Variants in PRKD1 observed in about 807,000 individuals in gnomAD.
The protein encoded by PRKD1 is protein kinase D1.
PRKD1 carries 63 observed loss-of-function variants against 95.9 expected under a neutral mutation model. That is an observed-to-expected ratio of 0.66 (90% CI 0.54 to 0.81). The LOEUF is 0.81. Ranked by LOEUF, PRKD1 falls within the 30% of genes least tolerant of loss-of-function variation. The pLI, the probability that PRKD1 is intolerant of heterozygous loss-of-function variation, is 0.00. For missense variants in PRKD1, 1,048 were observed against 1,165.3 expected (o/e 0.90, Z 1.47); for synonymous variants, 425 against 423.1 (o/e 1.00, Z -0.05).
intron 1 of PRKD1, among the ~76,000 whole-genome samples, chr14:29,771,000 A>T (rs1466991305): frequency 6.6e-6 from 1 of 151,994 alleles, no homozygotes; most frequent in African/African-American, 2.4e-5. Flanking sequence ...AAAAAGAATA[A>T]ACAAAGTGTT....
At chr14:29,608,050 T>G (rs2333606) in intron 13 of PRKD1, among the ~76,000 whole-genome samples, 146,750 of 152,266 alleles carry the variant, frequency 0.96, 70,770 homozygotes, top group Non-Finnish European at 0.98. Context: ...ATTTATAAAT[T>G]AACATATTCA....
chr14:29,849,554 T>A (rs1892217760), intron 1 of PRKD1, among the ~76,000 whole-genome samples: 2 of 142,794 alleles, frequency 1.4e-5, no homozygotes, highest in African/African-American at 2.8e-5. Flanking sequence ...ATCAGTGAAG[T>A]AAAACAACAA....
At chr14:29,802,884 C>T (rs564716003) in intron 1 of PRKD1, among the ~76,000 whole-genome samples, 4 of 152,316 alleles carry the variant, frequency 2.6e-5, no homozygotes, top group African/African-American at 4.8e-5. Flanking sequence ...AGTTAGTATA[C>T]AGGCACTCCA....
intron 1 of PRKD1, among the ~76,000 whole-genome samples, chr14:29,759,036 C>G (rs74374018): frequency 1.3e-5 from 2 of 152,176 alleles, no homozygotes; most frequent in Admixed American, 6.5e-5. Flanking sequence ...ATTTTAGAAA[C>G]AGTGTCCGTT....
At chr14:29,797,989 T>C (rs987787003) in intron 1 of PRKD1, among the ~76,000 whole-genome samples, 1 of 152,150 alleles carries the variant, frequency 6.6e-6, no homozygotes, top group Non-Finnish European at 1.5e-5. Flanking sequence ...CAGAACTCAA[T>C]GCCATATAAA....
In PRKD1 at chr14:29,894,229, C is replaced by T. The variant is rs543714706; in HGVS notation, c.264+33020G>A. ...TATACACCAAGGAGGTGGGAGGAGGCGGGGGAGTATAAGGAACTGAAAGGC... is the reference window on the plus strand; with the variant it reads ...TATACACCAAGGAGGTGGGAGGAGGTGGGGGAGTATAAGGAACTGAAAGGC... On this transcript the variant is annotated intron_variant, in intron 1 of 17. Coordinates refer to ENST00000331968, the MANE Select transcript of PRKD1 (RefSeq NM_002742.3). Among the ~76,000 whole-genome samples the T allele has an allele frequency of 4.5e-4, 68 of 152,122 alleles. 1 individual carries two copies. Among genetic ancestry groups the T allele is most frequent in the African/African-American group, 1.5e-3 (62 of 41,510 alleles).
chr14:29,584,177 T>C (rs1212336885), intron 16 of PRKD1, among the ~76,000 whole-genome samples: 3 of 152,214 alleles, frequency 2.0e-5, no homozygotes, highest in Non-Finnish European at 4.4e-5. Context: ...ATTCCATTTT[T>C]TCTAACAATA....
At chr14:29,813,607 C>A (rs1432949574) in intron 1 of PRKD1, among the ~76,000 whole-genome samples, 1 of 152,046 alleles carries the variant, frequency 6.6e-6, no homozygotes, top group Non-Finnish European at 1.5e-5. Flanking sequence ...CCAAAGAGCA[C>A]CTATTTCTAC....
chr14:29,700,810 A>C (rs1339607523), intron 2 of PRKD1, among the ~76,000 whole-genome samples: 5 of 152,154 alleles, frequency 3.3e-5, no homozygotes, highest in Admixed American at 3.3e-4. Flanking sequence ...TTCTGTCAGC[A>C]GACTTGGGAC....
At chr14:29,614,931 T>G (rs896736589) in intron 13 of PRKD1, among the ~76,000 whole-genome samples, 2 of 147,154 alleles carry the variant, frequency 1.4e-5, no homozygotes, top group Admixed American at 7.0e-5. Flanking sequence ...AGGCTGGTCT[T>G]GAACTACTGA....
intron 11 of PRKD1, among the ~76,000 whole-genome samples, chr14:29,626,784 G>A (rs1452053318): frequency 2.1e-5 from 3 of 144,240 alleles, no homozygotes; most frequent in African/African-American, 5.1e-5. Context: ...GCGCAATCTT[G>A]GCTCACTGCA....
At chr14:29,774,604 G>A (rs1888652642) in intron 1 of PRKD1, among the ~76,000 whole-genome samples, 1 of 152,190 alleles carries the variant, frequency 6.6e-6, no homozygotes, top group South Asian at 2.1e-4. Flanking sequence ...TTATTAAGTG[G>A]TGGAACTGGA....
chr14:29,736,487 C>T (rs1252659602), intron 1 of PRKD1, among the ~76,000 whole-genome samples: 1 of 152,044 alleles, frequency 6.6e-6, no homozygotes, highest in African/African-American at 2.4e-5. Context: ...GGTGTGTGAG[C>T]TTTGAAATCT....
At chr14:29,846,452 G>C (rs555355639) in intron 1 of PRKD1, among the ~76,000 whole-genome samples, 1 of 152,170 alleles carries the variant, frequency 6.6e-6, no homozygotes, top group South Asian at 2.1e-4. Context: ...CAGGCAGAGG[G>C]CTCAATGAGT....
chr14:29,616,752 T>TAA (rs1878895432), intron 13 of PRKD1, among the ~76,000 whole-genome samples: 1 of 152,186 alleles, frequency 6.6e-6, no homozygotes, highest in South Asian at 2.1e-4. Flanking sequence ...TTTCTTCCCT[T>TAA]GAATTTGAGT....
chr14:29,776,110 A>C (rs1388889166), intron 1 of PRKD1, among the ~76,000 whole-genome samples: 2 of 152,280 alleles, frequency 1.3e-5, no homozygotes, highest in Non-Finnish European at 2.9e-5. Flanking sequence ...AAAACTAACA[A>C]ACAGAAAGGA....
intron 1 of PRKD1, among the ~76,000 whole-genome samples, chr14:29,820,103 C>T (rs1036377207): frequency 1.4e-4 from 22 of 152,122 alleles, no homozygotes; most frequent in South Asian, 8.3e-4. Flanking sequence ...GAGGCATATC[C>T]GCCCTAAACA....
At chr14:29,712,154 T>C (rs931673597) in intron 2 of PRKD1, among the ~76,000 whole-genome samples, 2 of 152,134 alleles carry the variant, frequency 1.3e-5, no homozygotes, top group Non-Finnish European at 2.9e-5. Flanking sequence ...CCAAATAATG[T>C]GATTGCAGAG....
chr14:29,580,230 G>C (rs548364460), intron 16 of PRKD1, among the ~76,000 whole-genome samples: 200 of 152,254 alleles, frequency 1.3e-3, no homozygotes, highest in Non-Finnish European at 2.4e-3. Context: ...CTGCATAATG[G>C]GGAGGGAAGT....
Sources: allele counts gnomAD v4.1 joint callset (sites outside exome capture counted in the v4.1 genomes callset), GRCh38; gene constraint gnomAD v4.1.1; transcripts MANE v1.5; gene names NCBI Gene and HGNC (gene_info 2026-07-23, HGNC 2026-07-21).